BCAS3: variants seen among roughly 807,000 people sequenced by gnomAD.
The protein encoded by BCAS3 is BCAS3 microtubule associated cell migration factor, also known as BCAS4/BCAS3 fusion.
Under a neutral mutation model 116.1 loss-of-function variants are expected in BCAS3, and 53 were observed. The ratio of observed to expected loss-of-function variants is 0.46; its 90% confidence interval spans 0.37 to 0.57. The LOEUF (loss-of-function observed/expected upper bound fraction) is 0.57. Among genes scored for constraint, BCAS3 ranks in the 20% least tolerant of loss-of-function variants. The probability of loss-of-function intolerance (pLI) is 0.00; values close to 1 mark genes in which losing one functional copy is unlikely to be tolerated. For missense variants in BCAS3, 917 were observed against 1,165.4 expected (o/e 0.79, Z 3.10); for synonymous variants, 391 against 408.2 (o/e 0.96, Z 0.51).
chr17:60,970,870 T>C (rs2061921350), intron 14 of BCAS3, among the ~76,000 whole-genome samples: 1 of 152,210 alleles, frequency 6.6e-6, no homozygotes, highest in African/African-American at 2.4e-5. Flanking sequence ...AGAGTAACAC[T>C]ACTAGCTACA....
At chr17:61,178,957 G>T (rs375641310) in intron 22 of BCAS3, among the ~76,000 whole-genome samples, 1 of 152,008 alleles carries the variant, frequency 6.6e-6, no homozygotes, top group African/African-American at 2.4e-5. Flanking sequence ...AAAATGATAC[G>T]ATGTTTTCCT....
At chr17:60,925,709 T>TTC (rs2059332640) in intron 13 of BCAS3, among the ~76,000 whole-genome samples, 1 of 152,048 alleles carries the variant, frequency 6.6e-6, no homozygotes, top group Non-Finnish European at 1.5e-5. Flanking sequence ...AAATGCCTAA[T>TTC]TCTCTCTCTC....
intron 7 of BCAS3, among the ~76,000 whole-genome samples, chr17:60,816,660 AC>A (rs1161945228): frequency 1.3e-5 from 2 of 152,376 alleles, no homozygotes; most frequent in Non-Finnish European, 2.9e-5. Context: ...AAATAAAAAT[AC>A]AGAGATGAAT....
intron 13 of BCAS3, 43 bp from the exon 14 acceptor site, chr17:60,947,176 A>G: frequency 6.4e-7 from 1 of 1,561,882 alleles, no homozygotes; most frequent in Non-Finnish European, 8.8e-7. Flanking sequence ...TCATCCACAT[A>G]CATAATCATT....
At chr17:60,937,926 A>G (rs1157349306) in intron 13 of BCAS3, among the ~76,000 whole-genome samples, 1 of 152,202 alleles carries the variant, frequency 6.6e-6, no homozygotes, top group Non-Finnish European at 1.5e-5. Flanking sequence ...ATATGTATAG[A>G]TCTTGAGTAC....
chr17:60,811,006 G>A, intron 7 of BCAS3: 1 of 665,932 alleles, frequency 1.5e-6, no homozygotes, highest in South Asian at 1.4e-5. Context: ...GAGCACCACA[G>A]TGGTCACCAT....
At chr17:61,064,118 T>C (rs2070358854) in intron 19 of BCAS3, among the ~76,000 whole-genome samples, 1 of 152,166 alleles carries the variant, frequency 6.6e-6, no homozygotes, top group Admixed American at 6.5e-5. Context: ...AGGATGGTTA[T>C]AGTCTGTTCA....
At chr17:61,159,206 T>C (rs1436131279) in intron 22 of BCAS3, among the ~76,000 whole-genome samples, 2 of 152,224 alleles carry the variant, frequency 1.3e-5, no homozygotes, top group Admixed American at 6.5e-5. Flanking sequence ...CAAAATTGAA[T>C]GTTGCTGTGG....
chr17:61,005,816 C>CT (rs1170666097), intron 15 of BCAS3, among the ~76,000 whole-genome samples: 1 of 124,230 alleles, frequency 8.0e-6, no homozygotes, highest in Non-Finnish European at 1.7e-5. Flanking sequence ...TATTATTATA[C>CT]TTTAAGTTTT....
At chr17:60,740,563 A>G (rs1289163762) in intron 5 of BCAS3, among the ~76,000 whole-genome samples, 1 of 151,854 alleles carries the variant, frequency 6.6e-6, no homozygotes, top group African/African-American at 2.4e-5. Flanking sequence ...AAAAGGAACT[A>G]TGGTAAATGG....
intron 10 of BCAS3, among the ~76,000 whole-genome samples, chr17:60,892,555 C>T (rs911437846): frequency 7.2e-5 from 11 of 151,876 alleles, no homozygotes; most frequent in Non-Finnish European, 1.6e-4. Flanking sequence ...GTCATCTGCC[C>T]GCCTCGGCCT....
intron 12 of BCAS3, 93 bp from the exon 13 acceptor site, chr17:60,924,314 G>A: frequency 2.0e-6 from 2 of 982,760 alleles, no homozygotes; most frequent in Non-Finnish European, 3.2e-6. Context: ...ATGTTATTTG[G>A]TCAGTGGTTT....
intron 22 of BCAS3, among the ~76,000 whole-genome samples, chr17:61,305,399 G>A (rs1194938095): frequency 6.6e-6 from 1 of 152,150 alleles, no homozygotes; most frequent in Non-Finnish European, 1.5e-5. Context: ...ATACTAGAAA[G>A]AGCATGGCCT....
rs1047720568 is a variant in BCAS3, at chr17:61,180,208, C to T, written c.2425+95644C>T. Reference sequence around the variant, plus strand: ...AGGACCGATTAAAAGCTCAGAGAAGCTGTCGTACATTTTTATATTAATCCC... The same window carrying T: ...AGGACCGATTAAAAGCTCAGAGAAGTTGTCGTACATTTTTATATTAATCCC... On this transcript the variant is annotated intron_variant, in intron 22 of 23. Coordinates refer to ENST00000407086, the MANE Select transcript of BCAS3 (RefSeq NM_017679.5). The surrounding 1 kb of genome is among the most constrained non-coding windows in gnomAD (Gnocchi z 6.0). Among the ~76,000 whole-genome samples the T allele has an allele frequency of 5.3e-5, 8 of 152,240 alleles. No individual in the cohort carries two copies. Among genetic ancestry groups the T allele is most frequent in the African/African-American group, 1.9e-4 (8 of 41,548 alleles).
At chr17:61,306,716 C>T (rs942843308) in intron 22 of BCAS3, among the ~76,000 whole-genome samples, 6 of 152,028 alleles carry the variant, frequency 3.9e-5, no homozygotes, top group East Asian at 1.9e-4. Flanking sequence ...CTCAAGGCTG[C>T]GGTGAGCTGT....
In BCAS3 at chr17:61,084,782, C is replaced by T. The variant is rs1290709632; in HGVS notation, c.2425+218C>T. Among the ~76,000 whole-genome samples the T allele has an allele frequency of 6.6e-6, 1 of 152,142 alleles. No homozygotes were observed. The highest frequency in any genetic ancestry group is 1.5e-5 in the Non-Finnish European group (1 of 68,036). On this transcript the variant is annotated intron_variant, in intron 22 of 23. Coordinates refer to ENST00000407086, the MANE Select transcript of BCAS3 (RefSeq NM_017679.5). This position sits in a 1 kb window ranked among gnomAD's most constrained non-coding sequence, Gnocchi z 5.5. ...TTGGTGAATGATGCAGTGGAGTTGG[C>T]ACTTGATTAAATGTAATGAACATAG...
chr17:60,809,984 T>C (rs2048645934), intron 7 of BCAS3, among the ~76,000 whole-genome samples: 1 of 152,224 alleles, frequency 6.6e-6, no homozygotes, highest in African/African-American at 2.4e-5. Flanking sequence ...ACAGATTTCA[T>C]AGAATCCAGA....
At chr17:61,066,043 G>A (rs1014583610) in intron 19 of BCAS3, among the ~76,000 whole-genome samples, 2 of 152,042 alleles carry the variant, frequency 1.3e-5, no homozygotes, top group African/African-American at 2.4e-5. Flanking sequence ...TATAAAACTA[G>A]GTACCATTAG....
chr17:61,114,359 T>A (rs960172491), intron 22 of BCAS3, among the ~76,000 whole-genome samples: 9 of 144,530 alleles, frequency 6.2e-5, no homozygotes, highest in South Asian at 2.4e-4. Flanking sequence ...CAGCCCAAAA[T>A]CTCCTTAAGC....
Sources: gnomAD v4.1 joint callset for allele counts (sites outside exome capture counted in the v4.1 genomes callset) on GRCh38, gnomAD v4.1.1 for gene constraint, Gnocchi (gnomAD v3.1) non-coding constraint, MANE v1.5 for transcripts, NCBI Gene and HGNC (gene_info 2026-07-23, HGNC 2026-07-21) for gene names.